GLIS1: variants seen among roughly 807,000 people sequenced by gnomAD.
GLIS1 encodes the protein GLIS family zinc finger 1.
In GLIS1, 24 loss-of-function variants were observed where a neutral mutation model predicts 63.8. That is an observed-to-expected ratio of 0.38 (90% CI 0.27 to 0.53). GLIS1 has a LOEUF of 0.53. Among genes scored for constraint, GLIS1 ranks in the 20% least tolerant of loss-of-function variants. The pLI, the probability that GLIS1 is intolerant of heterozygous loss-of-function variation, is 0.85. For synonymous variants in GLIS1, 450 were observed against 482.5 expected, an observed-to-expected ratio of 0.93 and a Z score of 0.88; for missense variants, 1,036 against 1,074.1, an observed-to-expected ratio of 0.96 and a Z score of 0.50.
intron 2 of GLIS1, among the ~76,000 whole-genome samples, chr1:53,700,946 G>T (rs992052501): frequency 6.6e-6 from 1 of 152,236 alleles, no homozygotes; most frequent in East Asian, 1.9e-4. Flanking sequence ...TAAGATGTCA[G>T]TACTTCATTA....
At position 53,539,971 on chromosome 1, in the gene GLIS1, C is replaced by T. The variant is rs529283498; in HGVS notation, c.1321-10019G>A. The stretch of plus-strand genomic sequence containing the variant: ...TGCCGCCTCCACGCCTTTGCCCATG[C>T]GGTGTCCTCTGCTCAAGGTGCCCCT... On this transcript the variant is annotated intron_variant, in intron 4 of 10. Transcript: ENST00000628545. The surrounding 1 kb of genome is among the most constrained non-coding windows in gnomAD (Gnocchi z 5.0). 4.6e-5 allele frequency among the ~76,000 whole-genome samples: 7 copies of T among 152,218 alleles called. No individual in the cohort carries two copies. The highest frequency in any genetic ancestry group is 1.3e-4 in the Admixed American group (2 of 15,284).
At chr1:53,556,712 G>GC (rs1644837165) in intron 4 of GLIS1, among the ~76,000 whole-genome samples, 1 of 149,894 alleles carries the variant, frequency 6.7e-6, no homozygotes, top group African/African-American at 2.5e-5. Flanking sequence ...GTGTACTGCA[G>GC]ATGTTTGTGT....
At chr1:53,672,879 C>T (rs2141081) in intron 2 of GLIS1, among the ~76,000 whole-genome samples, 41,505 of 152,150 alleles carry the variant, frequency 0.27, 5,786 homozygotes, top group African/African-American at 0.34. Context: ...GTGGCAAGAG[C>T]GCCCTGGAGC....
intron 4 of GLIS1, among the ~76,000 whole-genome samples, chr1:53,551,873 T>C (rs529964503): frequency 6.6e-5 from 10 of 152,204 alleles, no homozygotes; most frequent in Admixed American, 5.9e-4. Context: ...TGTGTATATG[T>C]CTGTCTCTGC....
chr1:53,525,997 TCC>T (rs947490378), intron 5 of GLIS1, among the ~76,000 whole-genome samples: 1 of 152,120 alleles, frequency 6.6e-6, no homozygotes, highest in Non-Finnish European at 1.5e-5. Flanking sequence ...TCCCAATCTC[TCC>T]CAAGGCTTCC....
At chr1:53,653,601 C>T (rs1016901977) in intron 2 of GLIS1, among the ~76,000 whole-genome samples, 21 of 152,284 alleles carry the variant, frequency 1.4e-4, no homozygotes, top group African/African-American at 4.8e-4. Flanking sequence ...TCTTTCTTTC[C>T]TTCCCTCCTC....
intron 2 of GLIS1, among the ~76,000 whole-genome samples, chr1:53,655,714 T>C (rs758528849): frequency 2.0e-5 from 3 of 152,192 alleles, no homozygotes; most frequent in Non-Finnish European, 2.9e-5. Context: ...ATCTTTCTTA[T>C]TCATCTTATT....
At chr1:53,592,249 T>C (rs1035022576) in intron 4 of GLIS1, among the ~76,000 whole-genome samples, 4 of 152,174 alleles carry the variant, frequency 2.6e-5, no homozygotes, top group African/African-American at 9.7e-5. Context: ...GGGGAAGGGC[T>C]AGATCCTCTC....
intron 2 of GLIS1, among the ~76,000 whole-genome samples, chr1:53,734,750 C>T (rs1021774391): frequency 1.3e-5 from 2 of 152,240 alleles, no homozygotes; most frequent in African/African-American, 4.8e-5. Flanking sequence ...GAACAAGCGT[C>T]ATCAGGCCAT....
At chr1:53,651,609 C>T (rs1645908144) in intron 2 of GLIS1, among the ~76,000 whole-genome samples, 1 of 152,158 alleles carries the variant, frequency 6.6e-6, no homozygotes. Flanking sequence ...GCACAGTGGC[C>T]TCACATCTGT....
At chr1:53,675,349 T>C (rs1646199917) in intron 2 of GLIS1, among the ~76,000 whole-genome samples, 1 of 151,878 alleles carries the variant, frequency 6.6e-6, no homozygotes, top group Admixed American at 6.6e-5. Context: ...TCAGAGAGGG[T>C]ATATGGCCTG....
chr1:53,624,932 G>A (rs1422766978), intron 2 of GLIS1, among the ~76,000 whole-genome samples: 2 of 152,146 alleles, frequency 1.3e-5, no homozygotes, highest in African/African-American at 4.8e-5. Flanking sequence ...CACATGAGAA[G>A]GTGCAAAGAT....
intron 2 of GLIS1, among the ~76,000 whole-genome samples, chr1:53,624,339 T>C (rs1032826158): frequency 6.6e-6 from 1 of 152,174 alleles, no homozygotes; most frequent in South Asian, 2.1e-4. Context: ...GATAACTGTA[T>C]GGAAAAGATG....
intron 2 of GLIS1, among the ~76,000 whole-genome samples, chr1:53,627,812 G>A (rs1645611884): frequency 1.3e-5 from 2 of 152,172 alleles, no homozygotes; most frequent in Admixed American, 6.5e-5. Flanking sequence ...CCTGTTGTGT[G>A]CCAGGCACTG....
At chr1:53,611,048 CTATT>C (rs1476793741) in intron 2 of GLIS1, among the ~76,000 whole-genome samples, 8 of 151,984 alleles carry the variant, frequency 5.3e-5, no homozygotes, top group East Asian at 1.9e-4. Flanking sequence ...ATTAAATTCT[CTATT>C]TATCAATTTT....
intron 2 of GLIS1, among the ~76,000 whole-genome samples, chr1:53,609,427 C>A (rs1253762463): frequency 1.3e-5 from 2 of 151,922 alleles, no homozygotes; most frequent in African/African-American, 2.4e-5. Flanking sequence ...TGTGCCACCA[C>A]ACCTGGCTAA....
At chr1:53,676,632 C>T (rs989004649) in intron 2 of GLIS1, among the ~76,000 whole-genome samples, 8 of 152,200 alleles carry the variant, frequency 5.3e-5, no homozygotes, top group Non-Finnish European at 1.2e-4. Flanking sequence ...AGCCCTGCCA[C>T]AGACATGTTC....
rs574422239 is a variant in GLIS1 at position 53,525,170 on chromosome 1, A to C, written c.1483-283T>G. ...TGAAAAATGGGGCCATCTGAGGTCT[A>C]AGGGTTCTTCCAGGTCAGACCCTGG... On this transcript the variant is annotated intron_variant, in intron 5 of 10. Coordinates refer to ENST00000628545, the MANE Select transcript of GLIS1 (RefSeq NM_001367484.1). Among the ~76,000 whole-genome samples the C allele has an allele frequency of 2.6e-5, 4 of 152,130 alleles. No homozygotes were observed. The East Asian group carries it at 7.9e-4, about 30-fold the overall frequency.
At chr1:53,593,778 T>C (rs1645216670) in intron 4 of GLIS1, among the ~76,000 whole-genome samples, 1 of 152,162 alleles carries the variant, frequency 6.6e-6, no homozygotes, top group Non-Finnish European at 1.5e-5. Context: ...CACAAACACA[T>C]GAAAGAAGAG....
Sources: gnomAD v4.1 joint callset for allele counts (sites outside exome capture counted in the v4.1 genomes callset) on GRCh38, gnomAD v4.1.1 for gene constraint, Gnocchi (gnomAD v3.1) non-coding constraint, MANE v1.5 for transcripts, NCBI Gene and HGNC (gene_info 2026-07-23, HGNC 2026-07-21) for gene names.